The following FGF12 variants were observed in gnomAD, a reference collection of about 807,000 sequenced individuals.
FGF12 encodes the protein fibroblast growth factor 12, also known as fibroblast growth factor 12B.
Under a neutral mutation model 23.6 loss-of-function variants are expected in FGF12, and 14 were observed. The ratio of observed to expected loss-of-function variants is 0.59; its 90% confidence interval spans 0.39 to 0.93. The LOEUF is 0.93. Ranked by LOEUF, FGF12 falls within the 40% of genes least tolerant of loss-of-function variation. The probability of loss-of-function intolerance (pLI) is 0.00; values close to 1 mark genes in which losing one functional copy is unlikely to be tolerated. For missense variants in FGF12, 175 were observed against 217.8 expected, an observed-to-expected ratio of 0.80 and a Z score of 1.24; for synonymous variants, 62 against 77.3, an observed-to-expected ratio of 0.80 and a Z score of 1.04.
chr3:192,387,138 G>A (rs1018218063), intron 2 of FGF12, among the ~76,000 whole-genome samples: 63 of 152,140 alleles, frequency 4.1e-4, no homozygotes, highest in African/African-American at 1.4e-3. Context: ...TCCTGGGATC[G>A]TAATCAGATC....
chr3:192,573,654 AT>A (rs779531149), intron 2 of FGF12, among the ~76,000 whole-genome samples: 11 of 152,140 alleles, frequency 7.2e-5, no homozygotes, highest in East Asian at 3.9e-4. Context: ...AAATAAATAA[AT>A]AAAAATCTCC....
chr3:192,271,200 C>T (rs891677383), intron 4 of FGF12, among the ~76,000 whole-genome samples: 1 of 152,150 alleles, frequency 6.6e-6, no homozygotes, highest in Non-Finnish European at 1.5e-5. Context: ...AACTACAGAG[C>T]CTCCTTCATG....
rs574592779 is a variant in FGF12, at chr3:192,277,938, T to C, written c.228+57423A>G. The stretch of plus-strand genomic sequence containing the variant: ...CCACCATGCCCAGCTAATTTTTGTA[T>C]TTTTAGTAGAGACGGGGTTTCGCCA... On this transcript the variant is annotated intron_variant, in intron 4 of 5. Transcript: ENST00000445105. Among the ~76,000 whole-genome samples, 15 of 152,282 alleles carry C rather than the reference T, an allele frequency of 9.9e-5. 1 individual carries two copies. The South Asian group carries it at 3.1e-3, about 32-fold the overall frequency.
Position 192,152,628 on chromosome 3 carries a change from G to C in FGF12, c.428-8501C>G, listed in dbSNP as rs1208356826. 6.3e-5 allele frequency among the ~76,000 whole-genome samples: 6 copies of C among 95,310 alleles called. No homozygotes were observed. In the Admixed American group the frequency reaches 7.4e-4, roughly 12 times the overall value. The allele number at this position is 95,310 out of a possible 152,430, so 62.5% of individuals were successfully genotyped here. On this transcript the variant is annotated intron_variant, in intron 5 of 5. Coordinates refer to ENST00000445105, the MANE Select transcript of FGF12 (RefSeq NM_004113.6). The stretch of plus-strand genomic sequence containing the variant: ...TTTCCATGTAGTTGAGCGGCTTTGA[G>C]TGAGATTCTTAATCCTGAGTTCTAG...
chr3:192,178,078 T>A (rs1460745741), intron 4 of FGF12, among the ~76,000 whole-genome samples: 1 of 152,222 alleles, frequency 6.6e-6, no homozygotes, highest in Non-Finnish European at 1.5e-5. Context: ...CTGAATTTTT[T>A]CTTCCTGTAT....
At chr3:192,212,884 T>C (rs1718007416) in intron 4 of FGF12, among the ~76,000 whole-genome samples, 2 of 152,206 alleles carry the variant, frequency 1.3e-5, no homozygotes, top group African/African-American at 4.8e-5. Context: ...ACAATCTCGT[T>C]AGCATCAGTG....
chr3:192,190,679 T>G (rs962633509), intron 4 of FGF12, among the ~76,000 whole-genome samples: 67 of 151,524 alleles, frequency 4.4e-4, no homozygotes, highest in Non-Finnish European at 5.9e-4. Context: ...GTTTCACCGT[T>G]TTAGCCGGGA....
rs576657056 is a variant in FGF12 at position 192,431,274 on chromosome 3, T to C, written c.14-70736A>G. 7.6e-4 allele frequency among the ~76,000 whole-genome samples: 116 copies of C among 152,128 alleles called. 1 individual carries two copies. The highest frequency in any genetic ancestry group is 1.4e-3 in the Non-Finnish European group (95 of 68,026). On this transcript the variant is annotated intron_variant, in intron 2 of 5. Transcript: ENST00000445105. ...AAACTTCAGCGGTACCTGTAAGCAGTTGTAGGTGAAACCTTTCCATTTAAA... is the reference window on the plus strand; with the variant it reads ...AAACTTCAGCGGTACCTGTAAGCAGCTGTAGGTGAAACCTTTCCATTTAAA...
At chr3:192,466,542 T>A (rs545515499) in intron 2 of FGF12, among the ~76,000 whole-genome samples, 2 of 152,338 alleles carry the variant, frequency 1.3e-5, no homozygotes, top group Admixed American at 1.3e-4. Context: ...AAGGGGTTCC[T>A]GAGAGCTCTC....
At position 192,408,055 on chromosome 3, in the gene FGF12, C is replaced by T. The variant is rs779788156; in HGVS notation, c.14-47517G>A. 1.2e-6 allele frequency: 2 copies of T among 1,612,358 alleles called. No individual in the cohort carries two copies. The highest frequency in any genetic ancestry group is 2.2e-5 in the South Asian group (2 of 90,988). On this transcript the variant is annotated intron_variant, in intron 2 of 5. Transcript: ENST00000445105. This position sits in a 1 kb window ranked among gnomAD's most constrained non-coding sequence, Gnocchi z 7.3. ...CTCCGCCTCACCGGCCTCTTGCGGCCGCTGCAGAAGCGCACTTTGCTGAAC... is the reference window on the plus strand; with the variant it reads ...CTCCGCCTCACCGGCCTCTTGCGGCTGCTGCAGAAGCGCACTTTGCTGAAC...
chr3:192,532,807 GT>G (rs758818531), intron 2 of FGF12, among the ~76,000 whole-genome samples: 1 of 151,982 alleles, frequency 6.6e-6, no homozygotes, highest in Non-Finnish European at 1.5e-5. Context: ...ATTTCTTATG[GT>G]TTTTTGCTTG....
intron 4 of FGF12, among the ~76,000 whole-genome samples, chr3:192,297,586 C>A (rs1408542862): frequency 6.6e-6 from 1 of 152,060 alleles, no homozygotes; most frequent in Admixed American, 6.6e-5. Context: ...CATAACAATA[C>A]CACTTAGAAT....
intron 2 of FGF12, among the ~76,000 whole-genome samples, chr3:192,614,010 G>C (rs1714653855): frequency 1.3e-5 from 2 of 151,728 alleles, no homozygotes; most frequent in African/African-American, 4.8e-5. Context: ...GCTCTCCCCT[G>C]GCATCCTAGC....
At chr3:192,519,280 C>T (rs1334628738) in intron 2 of FGF12, among the ~76,000 whole-genome samples, 1 of 152,178 alleles carries the variant, frequency 6.6e-6, no homozygotes, top group Non-Finnish European at 1.5e-5. Context: ...CCCTCAGTCT[C>T]CCTGTCTTTC....
At chr3:192,702,567 T>C (rs1273713471) in intron 2 of FGF12, among the ~76,000 whole-genome samples, 7 of 151,804 alleles carry the variant, frequency 4.6e-5, no homozygotes, top group Admixed American at 2.0e-4. Flanking sequence ...ATGAGGGAGG[T>C]AGATTGCTTG....
At chr3:192,264,293 C>A (rs78697991) in intron 4 of FGF12, among the ~76,000 whole-genome samples, 2,074 of 152,090 alleles carry the variant, frequency 0.014, 48 homozygotes, top group African/African-American at 0.048. Context: ...AAATGACTTT[C>A]AAAAAGGAAG....
chr3:192,594,621 G>C (rs918951885), intron 2 of FGF12, among the ~76,000 whole-genome samples: 26 of 151,794 alleles, frequency 1.7e-4, no homozygotes, highest in African/African-American at 6.0e-4. Context: ...ATTAGGATCA[G>C]ATAAGGTCTG....
At chr3:192,645,407 T>C (rs1715966380) in intron 2 of FGF12, among the ~76,000 whole-genome samples, 1 of 152,170 alleles carries the variant, frequency 6.6e-6, no homozygotes, top group Non-Finnish European at 1.5e-5. Context: ...TCCATATTAA[T>C]AGCTGAAGAA....
chr3:192,176,935 T>C (rs1715898721), intron 4 of FGF12, among the ~76,000 whole-genome samples: 1 of 152,248 alleles, frequency 6.6e-6, no homozygotes, highest in Admixed American at 6.5e-5. Flanking sequence ...CGTTATATTA[T>C]ACAACGCCCA....
Sources: allele counts gnomAD v4.1 joint callset (sites outside exome capture counted in the v4.1 genomes callset), GRCh38; gene constraint gnomAD v4.1.1; non-coding constraint Gnocchi (gnomAD v3.1); transcripts MANE v1.5; gene names NCBI Gene and HGNC (gene_info 2026-07-23, HGNC 2026-07-21).